Variants in RIMS1 observed in about 807,000 individuals in gnomAD.
RIMS1 encodes regulating synaptic membrane exocytosis 1.
A neutral mutation model predicts 214.1 loss-of-function variants in RIMS1; 83 were observed. The observed-to-expected ratio is 0.39, with a 90% CI of 0.32 to 0.47. RIMS1 has a LOEUF of 0.47. RIMS1 is among the 20% of genes least tolerant of loss of function. The pLI is 0.99. For synonymous variants in RIMS1, 793 were observed against 786.8 expected (o/e 1.01, Z -0.13); for missense variants, 2,050 against 2,161.8 (o/e 0.95, Z 1.03).
chr6:72,179,488 CT>C (rs2048161673), intron 4 of RIMS1, 86 bp from the exon 5 acceptor site: 1 of 1,113,772 alleles, frequency 9.0e-7, no homozygotes, highest in South Asian at 1.4e-5. Context: ...GAATACTGTT[CT>C]TTTTTTCTTA....
chr6:72,359,615 C>T (rs1349713434), intron 29 of RIMS1, among the ~76,000 whole-genome samples: 1 of 152,094 alleles, frequency 6.6e-6, no homozygotes, highest in Non-Finnish European at 1.5e-5. Flanking sequence ...TAACATATAG[C>T]ACCCATAGAG....
Position 72,306,887 on chromosome 6 carries a change from A to G in RIMS1, c.3851-371A>G, listed in dbSNP as rs151045507. ...ATATAGTGCGATGTGCTAAGTATGC[A>G]TACTTGTTTTCTCTATATATGTACA... On this transcript the variant is annotated intron_variant, in intron 26 of 33. Transcript: ENST00000521978. 1.1e-3 allele frequency among the ~76,000 whole-genome samples: 168 copies of G among 152,346 alleles called. 1 individual carries two copies. Among genetic ancestry groups the G allele is most frequent in the African/African-American group, 3.7e-3 (153 of 41,570 alleles).
At chr6:72,099,177 A>C (rs1243613530) in intron 3 of RIMS1, among the ~76,000 whole-genome samples, 1 of 152,222 alleles carries the variant, frequency 6.6e-6, no homozygotes, top group Non-Finnish European at 1.5e-5. Context: ...TGCCAATAGC[A>C]ATACAGTTAA....
chr6:72,202,986 TTTTTTTA>T (rs1173673492), intron 6 of RIMS1, among the ~76,000 whole-genome samples: 6 of 152,162 alleles, frequency 3.9e-5, no homozygotes, highest in Admixed American at 3.3e-4. Context: ...TCTTTCTTTC[TTTTTTTA>T]TTTTTTATTT....
chr6:71,963,265 C>T (rs1051977178), intron 1 of RIMS1, among the ~76,000 whole-genome samples: 2 of 152,092 alleles, frequency 1.3e-5, no homozygotes, highest in African/African-American at 4.8e-5. Flanking sequence ...ATCCTGACTT[C>T]TTAAGGTATG....
chr6:72,030,117 T>C (rs896573683), intron 2 of RIMS1, among the ~76,000 whole-genome samples: 1 of 152,152 alleles, frequency 6.6e-6, no homozygotes, highest in African/African-American at 2.4e-5. Flanking sequence ...AATTTCAAAA[T>C]ATGGACCAGT....
Position 72,260,678 on chromosome 6 carries a change from C to G in RIMS1, c.3054-27C>G, listed in dbSNP as rs928397757. 9 of 1,610,624 alleles carry G rather than the reference C, an allele frequency of 5.6e-6. No individual in the cohort carries two copies. In the East Asian group the frequency reaches 1.6e-4, roughly 28 times the overall value. On this transcript the variant is annotated intron_variant, in intron 18 of 33. Coordinates refer to ENST00000521978, the MANE Select transcript of RIMS1 (RefSeq NM_014989.7). ...CCCATGTCTCATAATTTATCTGTTT[C>G]ACTCACCACCCATCCTGTCTGTGCA...
At chr6:71,914,712 A>G (rs984536228) in intron 1 of RIMS1, among the ~76,000 whole-genome samples, 3 of 152,192 alleles carry the variant, frequency 2.0e-5, no homozygotes, top group Non-Finnish European at 2.9e-5. Context: ...GCACTTTGCC[A>G]AAAGGCTTTG....
intron 6 of RIMS1, among the ~76,000 whole-genome samples, chr6:72,201,192 A>C (rs2051921357): frequency 6.6e-6 from 1 of 152,198 alleles, no homozygotes; most frequent in Non-Finnish European, 1.5e-5. Flanking sequence ...TCTATTCTTG[A>C]ATCAGGAGAA....
At chr6:71,966,808 C>T (rs1794580607) in intron 1 of RIMS1, among the ~76,000 whole-genome samples, 1 of 151,862 alleles carries the variant, frequency 6.6e-6, no homozygotes, top group East Asian at 1.9e-4. Flanking sequence ...AGGCGTGAGC[C>T]ACCATGCCCA....
intron 33 of RIMS1, among the ~76,000 whole-genome samples, chr6:72,400,038 C>G (rs1380089746): frequency 6.6e-6 from 1 of 152,190 alleles, no homozygotes; most frequent in Non-Finnish European, 1.5e-5. Flanking sequence ...AATGAATACT[C>G]TCATTCTTTG....
intron 4 of RIMS1, among the ~76,000 whole-genome samples, chr6:72,135,935 T>C (rs2041209579): frequency 6.6e-6 from 1 of 152,104 alleles, no homozygotes; most frequent in South Asian, 2.1e-4. Context: ...GCAGAAGAAA[T>C]TCATTCCAGA....
chr6:72,233,505 GT>G (rs75424973), intron 6 of RIMS1, among the ~76,000 whole-genome samples: 1,948 of 141,930 alleles, frequency 0.014, 24 homozygotes, highest in East Asian at 0.04. Flanking sequence ...GATTAACCCT[GT>G]TTTTTTTTTT....
chr6:72,291,693 G>T (rs947283104), intron 25 of RIMS1, among the ~76,000 whole-genome samples: 3 of 152,186 alleles, frequency 2.0e-5, no homozygotes, highest in African/African-American at 7.2e-5. Context: ...AAGTGAATTG[G>T]ATTCTGCTCA....
At chr6:72,145,305 C>G (rs1245846546) in intron 4 of RIMS1, among the ~76,000 whole-genome samples, 1 of 152,096 alleles carries the variant, frequency 6.6e-6, no homozygotes, top group Non-Finnish European at 1.5e-5. Context: ...AACTTGGGCT[C>G]CTGGGCCTAT....
rs372513852 is a variant in RIMS1 at position 72,333,660 on chromosome 6, G to C, written c.4191G>C (p.Lys1397Asn). Reference sequence around the variant, plus strand: ...GGACTTCAGGAAGATCCATCATGAAGAGCACCAGTGTCAGTGGAGAGATGT... The same window carrying C: ...GGACTTCAGGAAGATCCATCATGAACAGCACCAGTGTCAGTGGAGAGATGT... ...RMGTSGRSIM[K>N]STSVSGEMYT... Residue 1397 changes from lysine to asparagine, a missense_variant, in exon 29 of 34, where the codon AAG (lysine) becomes AAC (asparagine). By Grantham distance (94) the Lys-to-Asn change is moderately conservative. Around this residue, in one of 6 missense-constraint regions of RIMS1, gnomAD observed 889 missense variants for 885.5 expected, o/e 1.00. Transcript: ENST00000521978. 1.3e-6 allele frequency: 2 copies of C among 1,597,728 alleles called. No homozygotes were observed. Among genetic ancestry groups the C allele is most frequent in the Non-Finnish European group, 1.7e-6 (2 of 1,171,956 alleles).
intron 2 of RIMS1, among the ~76,000 whole-genome samples, chr6:71,984,807 AT>A (rs1455060926): frequency 2.7e-5 from 4 of 148,564 alleles, no homozygotes; most frequent in Admixed American, 6.8e-5. Flanking sequence ...CTATCTATCT[AT>A]CTATCTATCT....
chr6:71,939,690 AC>A, intron 1 of RIMS1, among the ~76,000 whole-genome samples: 1 of 152,168 alleles, frequency 6.6e-6, no homozygotes, highest in East Asian at 1.9e-4. Flanking sequence ...GATAAAGGGG[AC>A]CAAACTCCAT....
In RIMS1 at chr6:71,980,981, T is replaced by G. The variant is rs1798346658; in HGVS notation, c.245+11918T>G. ...TACATTCCTAAAGTATGCATTTCTT[T>G]TCTGATTCCTGAGAGAAATCCACAG... On this transcript the variant is annotated intron_variant, in intron 2 of 33. Transcript: ENST00000521978. 2.6e-5 allele frequency among the ~76,000 whole-genome samples: 4 copies of G among 152,142 alleles called. No homozygotes were observed. In the South Asian group the frequency reaches 8.3e-4, roughly 32 times the overall value.
Sources: gnomAD v4.1 joint callset for allele counts (sites outside exome capture counted in the v4.1 genomes callset) on GRCh38, gnomAD v4.1.1 for gene constraint, gnomAD v4.1.1 regional missense constraint, MANE v1.5 for transcripts, NCBI Gene and HGNC (gene_info 2026-07-23, HGNC 2026-07-21) for gene names.